The following CYTH3 variants were observed in gnomAD, a reference collection of about 807,000 sequenced individuals.
The protein encoded by CYTH3 is cytohesin 3.
In CYTH3, 23 loss-of-function variants were observed where a neutral mutation model predicts 55.1. That is an observed-to-expected ratio of 0.42 (90% CI 0.30 to 0.59). The LOEUF (loss-of-function observed/expected upper bound fraction) is 0.59. Among genes scored for constraint, CYTH3 ranks in the 20% least tolerant of loss-of-function variants. CYTH3 has a pLI of 0.20. For missense variants in CYTH3, 413 were observed against 524.8 expected, an observed-to-expected ratio of 0.79 and a Z score of 2.08; for synonymous variants, 249 against 194.9, an observed-to-expected ratio of 1.28 and a Z score of -2.31.
At chr7:6,192,444 C>T (rs1454601047) in intron 1 of CYTH3, among the ~76,000 whole-genome samples, 1 of 151,378 alleles carries the variant, frequency 6.6e-6, no homozygotes, top group Non-Finnish European at 1.5e-5. Context: ...TGGCCTTGAA[C>T]ACCTGGCCTG....
At chr7:6,272,410 G>GGGGGGGGGGGGGCGGGCCCCC in intron 1 of CYTH3, 64 bp downstream of exon 1, 1 of 1,216,618 alleles carries the variant, frequency 8.2e-7, no homozygotes, top group Non-Finnish European at 1.1e-6. Context: ...CCGCGCCCTC[G>GGGGGGGGGGGGGCGGGCCCCC]ACCCCCAGCC....
At chr7:6,247,173 TAAC>T (rs1465508779) in intron 1 of CYTH3, among the ~76,000 whole-genome samples, 2 of 152,242 alleles carry the variant, frequency 1.3e-5, no homozygotes, top group South Asian at 2.1e-4. Flanking sequence ...CTTCACAAAT[TAAC>T]AACAATTAGT....
intron 2 of CYTH3, among the ~76,000 whole-genome samples, chr7:6,188,547 G>A (rs1342004450): frequency 6.6e-6 from 1 of 152,112 alleles, no homozygotes; most frequent in Non-Finnish European, 1.5e-5. Context: ...GTTTAGGTCA[G>A]TGGTCTCAGG....
intron 5 of CYTH3, among the ~76,000 whole-genome samples, chr7:6,175,367 C>A (rs1783318550): frequency 6.6e-6 from 1 of 152,056 alleles, no homozygotes; most frequent in Non-Finnish European, 1.5e-5. Context: ...CCTACTTTTA[C>A]CCAGCACCAT....
chr7:6,163,807 T>C lies in CYTH3; in HGVS notation c.*1137A>G, dbSNP rs917630736. 2 of 152,180 alleles carry C rather than the reference T, an allele frequency of 1.3e-5. No individual in the cohort carries two copies. The highest frequency in any genetic ancestry group is 2.4e-5 in the African/African-American group (1 of 41,442). The allele number at this position is 152,180 out of a possible 1,614,324, so 9.4% of individuals were successfully genotyped here. A position where few individuals can be genotyped will look rare whatever the true frequency, so the allele number is the denominator to read the frequency against. On this transcript the variant is annotated 3_prime_UTR_variant, in exon 13 of 13. Coordinates refer to ENST00000350796, the MANE Select transcript of CYTH3 (RefSeq NM_004227.4). Reference sequence around the variant, plus strand: ...TTTAGTTAATTCTGTGTCTATTCATTAAGAAATCTGGTCAAATTAGAAAGT... The same window carrying C: ...TTTAGTTAATTCTGTGTCTATTCATCAAGAAATCTGGTCAAATTAGAAAGT...
chr7:6,187,785 A>C, intron 2 of CYTH3, 64 bp from the exon 3 acceptor site: 5 of 1,369,650 alleles, frequency 3.7e-6, no homozygotes, highest in Non-Finnish European at 5.2e-6. Context: ...TGAGACTCAG[A>C]AATTTTAGTT....
intron 1 of CYTH3, among the ~76,000 whole-genome samples, chr7:6,217,824 T>C (rs1413321594): frequency 6.6e-6 from 1 of 152,028 alleles, no homozygotes; most frequent in African/African-American, 2.4e-5. Flanking sequence ...CTAGAACTTG[T>C]GAATGTTAAC....
At chr7:6,199,643 C>A (rs545301931) in intron 1 of CYTH3, among the ~76,000 whole-genome samples, 25 of 152,186 alleles carry the variant, frequency 1.6e-4, no homozygotes, top group Non-Finnish European at 3.2e-4. Context: ...TTAAAGCAGT[C>A]CTTCATGCAG....
chr7:6,191,206 G>T (rs971097532), intron 1 of CYTH3, among the ~76,000 whole-genome samples: 2 of 152,008 alleles, frequency 1.3e-5, no homozygotes, highest in African/African-American at 4.8e-5. Context: ...CCAGCACTTT[G>T]GGACACTGAG....
Position 6,208,151 on chromosome 7 carries a change from A to C in CYTH3, c.35-17620T>G, listed in dbSNP as rs1311827775. On this transcript the variant is annotated intron_variant, in intron 1 of 12. Coordinates refer to ENST00000350796, the MANE Select transcript of CYTH3 (RefSeq NM_004227.4). Reference sequence around the variant, plus strand: ...CATCTATCACTGGATAAGGTAGGTAAGAATTTTTGTACACTACAAAGACGA... The same window carrying C: ...CATCTATCACTGGATAAGGTAGGTACGAATTTTTGTACACTACAAAGACGA... Among the ~76,000 whole-genome samples, 3 of 152,230 alleles carry C rather than the reference A, an allele frequency of 2.0e-5. No individual in the cohort carries two copies. The East Asian group carries it at 5.8e-4, about 29-fold the overall frequency.
intron 5 of CYTH3, among the ~76,000 whole-genome samples, chr7:6,175,651 G>A (rs976290859): frequency 1.3e-5 from 2 of 148,354 alleles, no homozygotes; most frequent in South Asian, 2.2e-4. Context: ...GGGTTCAAGC[G>A]ATTCTCCTGC....
intron 1 of CYTH3, among the ~76,000 whole-genome samples, chr7:6,261,409 C>T (rs1780350361): frequency 6.6e-6 from 1 of 152,030 alleles, no homozygotes; most frequent in Non-Finnish European, 1.5e-5. Context: ...TAGACCATGC[C>T]TCATAATTTT....
At chr7:6,177,734 G>A (rs924615718) in intron 5 of CYTH3, 89 bp downstream of exon 5, 4 of 1,032,970 alleles carry the variant, frequency 3.9e-6, no homozygotes, top group Admixed American at 1.8e-5. Flanking sequence ...CCTTTAGGCT[G>A]TGATGGCCCC....
chr7:6,236,410 A>G (rs377531410), intron 1 of CYTH3, among the ~76,000 whole-genome samples: 2 of 131,928 alleles, frequency 1.5e-5, no homozygotes, highest in African/African-American at 5.8e-5. Context: ...GGGTCTTGCT[A>G]TGTTGCCCAG....
chr7:6,213,534 T>G lies in CYTH3; in HGVS notation c.35-23003A>C, dbSNP rs1283409202. 3.3e-5 allele frequency among the ~76,000 whole-genome samples: 5 copies of G among 152,134 alleles called. No individual in the cohort carries two copies. The East Asian group carries it at 9.7e-4, about 29-fold the overall frequency. On this transcript the variant is annotated intron_variant, in intron 1 of 12. Coordinates refer to ENST00000350796, the MANE Select transcript of CYTH3 (RefSeq NM_004227.4). ...ATCCCAGTAAAGTGTCCCCATGGTT[T>G]TTTGTTTGTTTGTTTGTTTGGTTTT...
At chr7:6,255,730 G>T (rs1780082812) in intron 1 of CYTH3, among the ~76,000 whole-genome samples, 1 of 147,526 alleles carries the variant, frequency 6.8e-6, no homozygotes, top group African/African-American at 2.5e-5. Context: ...TCAGGTTAGT[G>T]TGACTACCCA....
chr7:6,240,897 C>T (rs956775671), intron 1 of CYTH3, among the ~76,000 whole-genome samples: 8 of 151,620 alleles, frequency 5.3e-5, no homozygotes, highest in South Asian at 2.1e-4. Context: ...GGGTGGATCA[C>T]GAGGTCAGAA....
chr7:6,256,872 G>A (rs1384166906), intron 1 of CYTH3, among the ~76,000 whole-genome samples: 1 of 152,180 alleles, frequency 6.6e-6, no homozygotes, highest in Non-Finnish European at 1.5e-5. Context: ...GAAGCTGGCG[G>A]GACAACGTGT....
chr7:6,172,623 G>T, intron 6 of CYTH3: 1 of 838,874 alleles, frequency 1.2e-6, no homozygotes, highest in Non-Finnish European at 1.5e-6. Context: ...GGCTCCCACG[G>T]CTGTGGGAAT....
Sources: gnomAD v4.1 joint callset for allele counts (sites outside exome capture counted in the v4.1 genomes callset) on GRCh38, gnomAD v4.1.1 for gene constraint, MANE v1.5 for transcripts, NCBI Gene and HGNC (gene_info 2026-07-23, HGNC 2026-07-21) for gene names.